The following WWOX variants were observed in gnomAD, a reference collection of about 807,000 sequenced individuals.
WWOX encodes WW domain-containing oxidoreductase.
Under a neutral mutation model 46.2 loss-of-function variants are expected in WWOX, and 69 were observed. The ratio of observed to expected loss-of-function variants is 1.49; its 90% confidence interval spans 1.23 to 1.82. The LOEUF is 1.82. Ranked by LOEUF, WWOX falls within the 40% of genes most tolerant of loss-of-function variation. The probability of loss-of-function intolerance (pLI) is 0.00; values close to 1 mark genes in which losing one functional copy is unlikely to be tolerated. For missense variants in WWOX, 919 were observed against 542.6 expected, an observed-to-expected ratio of 1.69 and a Z score of -6.89; for synonymous variants, 359 against 202.6, an observed-to-expected ratio of 1.77 and a Z score of -6.56.
At chr16:78,547,139 A>AC (rs1567635679) in intron 8 of WWOX, among the ~76,000 whole-genome samples, 1 of 43,370 alleles carries the variant, frequency 2.3e-5, no homozygotes, top group Admixed American at 4.6e-4. Flanking sequence ...AAAAAAAAAA[A>AC]AAAAAAAAAA....
At chr16:78,969,125 G>A (rs2046420091) in intron 8 of WWOX, among the ~76,000 whole-genome samples, 1 of 152,074 alleles carries the variant, frequency 6.6e-6, no homozygotes, top group African/African-American at 2.4e-5. Context: ...AGCAGTCAGG[G>A]GACTCCCTGG....
At chr16:78,583,665 T>G (rs981463470) in intron 8 of WWOX, among the ~76,000 whole-genome samples, 1 of 152,170 alleles carries the variant, frequency 6.6e-6, no homozygotes, top group Non-Finnish European at 1.5e-5. Context: ...TGTCAAGCCA[T>G]CAGGCAGCGG....
At chr16:78,235,842 T>G (rs1361202667) in intron 5 of WWOX, among the ~76,000 whole-genome samples, 1 of 152,190 alleles carries the variant, frequency 6.6e-6, no homozygotes, top group Non-Finnish European at 1.5e-5. Context: ...CCTGCCTCAC[T>G]GGGAACCTGT....
At chr16:79,195,686 G>T (rs151022662) in intron 8 of WWOX, among the ~76,000 whole-genome samples, 1 of 152,208 alleles carries the variant, frequency 6.6e-6, no homozygotes, top group African/African-American at 2.4e-5. Flanking sequence ...TGTCTAGACC[G>T]GGAGCTAGCT....
At chr16:78,488,784 C>G (rs759704664) in intron 8 of WWOX, among the ~76,000 whole-genome samples, 1 of 152,116 alleles carries the variant, frequency 6.6e-6, no homozygotes, top group Non-Finnish European at 1.5e-5. Context: ...AGTTTCCTTA[C>G]CTGTTGAATA....
intron 8 of WWOX, among the ~76,000 whole-genome samples, chr16:78,881,714 G>A (rs983767765): frequency 1.3e-5 from 2 of 152,202 alleles, no homozygotes; most frequent in Admixed American, 1.3e-4. Context: ...AATCACTTAA[G>A]AAGTAATAGA....
At chr16:78,846,783 G>A (rs779899489) in intron 8 of WWOX, among the ~76,000 whole-genome samples, 3 of 152,032 alleles carry the variant, frequency 2.0e-5, no homozygotes, top group Non-Finnish European at 2.9e-5. Flanking sequence ...ATCCCTCTGG[G>A]GATCTTGCCT....
At chr16:78,421,918 G>C (rs1487242161) in intron 6 of WWOX, among the ~76,000 whole-genome samples, 1 of 152,116 alleles carries the variant, frequency 6.6e-6, no homozygotes, top group East Asian at 1.9e-4. Context: ...CAATTCTCAT[G>C]ATACATGTTT....
chr16:78,453,907 A>G (rs771152072), intron 8 of WWOX, among the ~76,000 whole-genome samples: 2 of 152,050 alleles, frequency 1.3e-5, no homozygotes, highest in African/African-American at 2.4e-5. Flanking sequence ...TTTTTGTATC[A>G]TGAGTTTTCT....
chr16:79,107,166 C>T (rs2049327491), intron 8 of WWOX, among the ~76,000 whole-genome samples: 1 of 152,180 alleles, frequency 6.6e-6, no homozygotes, highest in Non-Finnish European at 1.5e-5. Context: ...GTCTTCAACT[C>T]CTGAGCTCAA....
intron 8 of WWOX, among the ~76,000 whole-genome samples, chr16:78,501,686 G>A (rs994710548): frequency 4.6e-5 from 7 of 151,974 alleles, no homozygotes; most frequent in East Asian, 1.9e-4. Flanking sequence ...ACAGGCATCC[G>A]CCACCATGCT....
chr16:78,363,782 C>G (rs2081467344), intron 5 of WWOX, among the ~76,000 whole-genome samples: 1 of 152,190 alleles, frequency 6.6e-6, no homozygotes, highest in African/African-American at 2.4e-5. Flanking sequence ...TCAAACCCCT[C>G]CAGCTTACAG....
At chr16:78,754,196 C>G (rs907537377) in intron 8 of WWOX, among the ~76,000 whole-genome samples, 4 of 152,052 alleles carry the variant, frequency 2.6e-5, no homozygotes, top group South Asian at 4.2e-4. Flanking sequence ...TCTTCTCTGT[C>G]TTCACTCGGT....
chr16:78,694,558 A>G (rs1187554583), intron 8 of WWOX, among the ~76,000 whole-genome samples: 3 of 152,194 alleles, frequency 2.0e-5, no homozygotes, highest in African/African-American at 4.8e-5. Context: ...AGCAGCCTGC[A>G]TGGTGTGTAT....
intron 8 of WWOX, among the ~76,000 whole-genome samples, chr16:78,933,820 A>G (rs1285480159): frequency 6.6e-6 from 1 of 152,134 alleles, no homozygotes; most frequent in African/African-American, 2.4e-5. Context: ...GCTTCCTCCC[A>G]CGACATTTGG....
At chr16:78,414,142 C>G (rs1395466725) in intron 6 of WWOX, among the ~76,000 whole-genome samples, 1 of 151,886 alleles carries the variant, frequency 6.6e-6, no homozygotes, top group Non-Finnish European at 1.5e-5. Context: ...GACCCCCGCC[C>G]CTGCCTGCAA....
At chr16:79,057,842 C>G (rs1185230299) in intron 8 of WWOX, among the ~76,000 whole-genome samples, 1 of 152,202 alleles carries the variant, frequency 6.6e-6, no homozygotes, top group East Asian at 1.9e-4. Context: ...ACTCCATTTA[C>G]TCACCTGTTG....
At chr16:78,425,129 C>T (rs527595856) in intron 7 of WWOX, 74 bp downstream of exon 7, 20 of 1,591,156 alleles carry the variant, frequency 1.3e-5, no homozygotes, top group Admixed American at 3.3e-5. Flanking sequence ...GGCTCTCATT[C>T]TGAAAATAAT....
chr16:78,313,864 A>G (rs1052908582), intron 5 of WWOX, among the ~76,000 whole-genome samples: 9 of 152,100 alleles, frequency 5.9e-5, no homozygotes, highest in African/African-American at 1.9e-4. Context: ...CTTCCCTGTC[A>G]TTCATCAGAA....
Sources: allele counts gnomAD v4.1 joint callset (sites outside exome capture counted in the v4.1 genomes callset), GRCh38; gene constraint gnomAD v4.1.1; transcripts MANE v1.5; gene names NCBI Gene and HGNC (gene_info 2026-07-23, HGNC 2026-07-21).